The following UNC5D variants were observed in gnomAD, a reference collection of about 807,000 sequenced individuals.
The protein encoded by UNC5D is unc-5 netrin receptor D.
In UNC5D, 39 loss-of-function variants were observed where a neutral mutation model predicts 105.4. The ratio of observed to expected loss-of-function variants is 0.37; its 90% CI spans 0.29 to 0.48. The LOEUF (loss-of-function observed/expected upper bound fraction) is 0.48. Among genes scored for constraint, UNC5D ranks in the 20% least tolerant of loss-of-function variants. UNC5D has a pLI of 0.98. For missense variants in UNC5D, 991 were observed against 1,202.4 expected, an observed-to-expected ratio of 0.82 and a Z score of 2.60; for synonymous variants, 452 against 450.4, an observed-to-expected ratio of 1.00 and a Z score of -0.04.
At chr8:35,643,674 T>C (rs58186807) in intron 4 of UNC5D, among the ~76,000 whole-genome samples, 2,953 of 152,158 alleles carry the variant, frequency 0.019, 112 homozygotes, top group African/African-American at 0.068. Context: ...GCCACTGGCC[T>C]GGGCTGCAGT....
At chr8:35,271,278 T>C (rs1321460984) in intron 1 of UNC5D, among the ~76,000 whole-genome samples, 1 of 117,994 alleles carries the variant, frequency 8.5e-6, no homozygotes. Context: ...TATACATATA[T>C]GTGTGTATGT....
At chr8:35,677,376 C>T (rs952045567) in intron 4 of UNC5D, among the ~76,000 whole-genome samples, 30 of 152,178 alleles carry the variant, frequency 2.0e-4, no homozygotes, top group Middle Eastern at 3.4e-3. Flanking sequence ...AAGCAGTGCT[C>T]GTGGGGGTCT....
intron 2 of UNC5D, among the ~76,000 whole-genome samples, chr8:35,552,881 G>A (rs1466253865): frequency 6.6e-6 from 1 of 152,128 alleles, no homozygotes; most frequent in Non-Finnish European, 1.5e-5. Flanking sequence ...CCAAGGGAAT[G>A]ACATCTACCA....
At chr8:35,661,544 T>C (rs981710882) in intron 4 of UNC5D, among the ~76,000 whole-genome samples, 2 of 152,204 alleles carry the variant, frequency 1.3e-5, no homozygotes, top group Non-Finnish European at 2.9e-5. Flanking sequence ...CCTGGCCTTG[T>C]CCTGCTTTAG....
chr8:35,591,444 G>A (rs945716505), intron 3 of UNC5D, among the ~76,000 whole-genome samples: 3 of 152,020 alleles, frequency 2.0e-5, no homozygotes, highest in African/African-American at 7.2e-5. Flanking sequence ...TCTATCTAGG[G>A]TTGTTTCTTT....
At chr8:35,533,724 G>A (rs921318228) in intron 1 of UNC5D, among the ~76,000 whole-genome samples, 2 of 152,246 alleles carry the variant, frequency 1.3e-5, no homozygotes, top group Admixed American at 6.5e-5. Context: ...GACCCTCCGA[G>A]CCAGGTGTGG....
intron 4 of UNC5D, among the ~76,000 whole-genome samples, chr8:35,677,197 A>C (rs1825296686): frequency 6.6e-6 from 1 of 152,194 alleles, no homozygotes; most frequent in Non-Finnish European, 1.5e-5. Context: ...AAAGCAAAAG[A>C]GATTATTAAG....
At chr8:35,558,533 T>C (rs766843842) in intron 2 of UNC5D, among the ~76,000 whole-genome samples, 17 of 152,160 alleles carry the variant, frequency 1.1e-4, no homozygotes, top group Admixed American at 2.6e-4. Flanking sequence ...CTTGAAGCAG[T>C]AAGAGACAAA....
chr8:35,723,578 T>C (rs550526721), intron 9 of UNC5D, among the ~76,000 whole-genome samples: 1 of 152,082 alleles, frequency 6.6e-6, no homozygotes, highest in East Asian at 1.9e-4. Flanking sequence ...TGTTTTATTT[T>C]TATTTTTTAT....
chr8:35,761,326 T>C (rs556157441), intron 14 of UNC5D, among the ~76,000 whole-genome samples: 6 of 151,488 alleles, frequency 4.0e-5, no homozygotes, highest in South Asian at 2.1e-4. Context: ...AGTTTAATGC[T>C]TGGAGATAAA....
chr8:35,678,695 C>A (rs1825444691), intron 4 of UNC5D, among the ~76,000 whole-genome samples: 1 of 152,082 alleles, frequency 6.6e-6, no homozygotes, highest in East Asian at 1.9e-4. Flanking sequence ...TAGTTGAAAC[C>A]AGAACATTTA....
At chr8:35,409,153 TATTTG>T (rs1804995960) in intron 1 of UNC5D, among the ~76,000 whole-genome samples, 1 of 152,104 alleles carries the variant, frequency 6.6e-6, no homozygotes, top group Non-Finnish European at 1.5e-5. Flanking sequence ...AACTGAAAAA[TATTTG>T]AGTTGGTTCC....
intron 1 of UNC5D, among the ~76,000 whole-genome samples, chr8:35,382,573 A>G (rs774314082): frequency 3.9e-5 from 6 of 152,186 alleles, no homozygotes; most frequent in African/African-American, 1.2e-4. Flanking sequence ...TTTACTGGCT[A>G]AAGTACTTTA....
chr8:35,622,281 G>T (rs1056850297), intron 4 of UNC5D, among the ~76,000 whole-genome samples: 21 of 152,302 alleles, frequency 1.4e-4, no homozygotes, highest in African/African-American at 5.1e-4. Context: ...GGTGGAGGTT[G>T]CAGTGAGCCA....
At chr8:35,573,312 G>A (rs1817873486) in intron 3 of UNC5D, among the ~76,000 whole-genome samples, 1 of 152,104 alleles carries the variant, frequency 6.6e-6, no homozygotes, top group Admixed American at 6.5e-5. Flanking sequence ...ATATGTTGGT[G>A]CGTGCCTGTA....
At chr8:35,405,691 CT>C (rs949151779) in intron 1 of UNC5D, among the ~76,000 whole-genome samples, 6 of 151,830 alleles carry the variant, frequency 4.0e-5, no homozygotes, top group African/African-American at 9.7e-5. Context: ...CTATTCACAA[CT>C]TTTTTTTACG....
intron 3 of UNC5D, among the ~76,000 whole-genome samples, chr8:35,577,293 A>G (rs897103428): frequency 1.3e-5 from 2 of 152,228 alleles, no homozygotes; most frequent in Non-Finnish European, 2.9e-5. Flanking sequence ...ACAAATTCCT[A>G]GATCATGTGT....
intron 4 of UNC5D, among the ~76,000 whole-genome samples, chr8:35,637,211 T>C (rs1362025140): frequency 6.6e-6 from 1 of 152,150 alleles, no homozygotes; most frequent in Non-Finnish European, 1.5e-5. Context: ...AAATTTACCT[T>C]TTTTGTCTTA....
At chr8:35,594,768 C>A (rs1819383863) in intron 3 of UNC5D, among the ~76,000 whole-genome samples, 1 of 152,182 alleles carries the variant, frequency 6.6e-6, no homozygotes, top group African/African-American at 2.4e-5. Flanking sequence ...GGTTAACACT[C>A]AGCCTGGGTG....
Sources: allele counts gnomAD v4.1 joint callset (sites outside exome capture counted in the v4.1 genomes callset), GRCh38; gene constraint gnomAD v4.1.1; transcripts MANE v1.5; gene names NCBI Gene and HGNC (gene_info 2026-07-23, HGNC 2026-07-21).